Variants in MORC4 observed in about 807,000 individuals in gnomAD.
MORC4 encodes MORC family CW-type zinc finger 4.
Under a neutral mutation model 65.5 loss-of-function variants are expected in MORC4, and 22 were observed. The observed-to-expected ratio is 0.34, with a 90% confidence interval of 0.24 to 0.48. The LOEUF (loss-of-function observed/expected upper bound fraction) is 0.48. Ranked by LOEUF, MORC4 falls within the 20% of genes least tolerant of loss-of-function variation. MORC4 has a pLI of 0.99. For synonymous variants in MORC4, 267 were observed against 255.8 expected, an observed-to-expected ratio of 1.04 and a Z score of -0.42; for missense variants, 624 against 703.0, an observed-to-expected ratio of 0.89 and a Z score of 1.27.
rs1351911254 is a variant in MORC4 at position 106,942,002 on chromosome X, G to A, written c.2596C>T (p.His866Tyr). Residue 866 changes from histidine (H) to tyrosine (Y), a missense_variant, in exon 16 of 17, where the codon CAC becomes TAC. Physicochemically the swap from His to Tyr is moderately conservative, Grantham distance 83 (BLOSUM62 2). Coordinates refer to ENST00000355610, the MANE Select transcript of MORC4 (RefSeq NM_024657.5). ...LKEKLKETET[H>Y]LEMLQKAQVS... Reference sequence around the variant, plus strand: ...TGAGCCTTCTGCAGCATTTCCAGGTGTGTCTCTGTTTCCTTCAGTTTCTCT... The same window carrying A: ...TGAGCCTTCTGCAGCATTTCCAGGTATGTCTCTGTTTCCTTCAGTTTCTCT... 8.3e-6 allele frequency: 10 copies of A among 1,209,103 alleles called. No individual in the cohort carries two copies. The highest frequency in any genetic ancestry group is 1.1e-5 in the Non-Finnish European group (10 of 894,828).
At chrX:106,977,999 T>C in intron 8 of MORC4, 81 bp downstream of exon 8, 2 of 1,053,102 alleles carry the variant, frequency 1.9e-6, no homozygotes, top group Non-Finnish European at 2.6e-6. Flanking sequence ...AAGCCATTAA[T>C]GAGCCTATCC....
At chrX:106,945,566 A>G (rs1180406704) in intron 14 of MORC4, among the ~76,000 whole-genome samples, 3 of 109,786 alleles carry the variant, frequency 2.7e-5, no homozygotes, top group Non-Finnish European at 5.7e-5. Flanking sequence ...ATAAGAGGCA[A>G]CCAAAAAAAG....
intron 9 of MORC4, among the ~76,000 whole-genome samples, chrX:106,969,475 C>G (rs965617778): frequency 9.0e-6 from 1 of 111,586 alleles, no homozygotes; most frequent in Admixed American, 9.5e-5. Context: ...TAACTAAGAT[C>G]AGAGCAGAAA....
At chrX:106,997,250 T>C (rs771594622) in intron 2 of MORC4, among the ~76,000 whole-genome samples, 1 of 112,182 alleles carries the variant, frequency 8.9e-6, no homozygotes, top group Non-Finnish European at 1.9e-5. Flanking sequence ...CGTTCTCATA[T>C]CCTATTTACT....
chrX:106,966,785 A>G (rs1362476147), intron 9 of MORC4, among the ~76,000 whole-genome samples: 1 of 112,524 alleles, frequency 8.9e-6, no homozygotes, highest in Admixed American at 9.3e-5. Flanking sequence ...TTCACAGTGT[A>G]TACAAAGCAG....
chrX:106,976,171 C>T (rs1157593422), intron 9 of MORC4, among the ~76,000 whole-genome samples: 1 of 111,846 alleles, frequency 8.9e-6, no homozygotes, highest in African/African-American at 3.2e-5. Flanking sequence ...GTCTTTCCTG[C>T]TGTTCCATCA....
At chrX:106,972,197 C>G (rs1337750693) in intron 9 of MORC4, among the ~76,000 whole-genome samples, 3 of 109,179 alleles carry the variant, frequency 2.7e-5, no homozygotes, top group Non-Finnish European at 3.8e-5. Flanking sequence ...AACCATCATT[C>G]TCAGCAAACT....
chrX:106,984,154 C>T (rs181614185), intron 5 of MORC4, among the ~76,000 whole-genome samples: 65 of 109,514 alleles, frequency 5.9e-4, no homozygotes, highest in East Asian at 2.9e-4. Flanking sequence ...GACATGGTGG[C>T]GCACACCTGT....
intron 7 of MORC4, 86 bp downstream of exon 7, chrX:106,980,805 A>G: frequency 7.8e-6 from 7 of 902,381 alleles, no homozygotes; most frequent in Non-Finnish European, 1.1e-5. Context: ...TTGAAAGGGA[A>G]AGTTTTTGTT....
chrX:106,998,291 T>C (rs1935114118), intron 2 of MORC4, among the ~76,000 whole-genome samples: 1 of 112,319 alleles, frequency 8.9e-6, no homozygotes, highest in African/African-American at 3.2e-5. Flanking sequence ...GTGTGCATAA[T>C]ACATACACAT....
At chrX:106,962,626 A>G (rs1424131396) in intron 9 of MORC4, among the ~76,000 whole-genome samples, 1 of 111,812 alleles carries the variant, frequency 8.9e-6, no homozygotes, top group Non-Finnish European at 1.9e-5. Context: ...CCAAATGCTG[A>G]TCATAGTAGC....
At position 106,943,029 on chromosome X, in the gene MORC4, G is replaced by A. The variant is rs781383076; in HGVS notation, c.1862C>T (p.Thr621Ile). Residue 621 changes from threonine to isoleucine, a missense_variant, in exon 15 of 17, where the codon ACA becomes ATA. Coordinates refer to ENST00000355610, the MANE Select transcript of MORC4 (RefSeq NM_024657.5). ...SHDKSSSERS[T>I]PPYLFPEYPE... Reference sequence around the variant, plus strand: ...GTATTCTGGGAAAAGGTATGGTGGTGTACTTCTCTCAGAACTCGATTTATC... The same window carrying A: ...GTATTCTGGGAAAAGGTATGGTGGTATACTTCTCTCAGAACTCGATTTATC... 3 of 1,209,558 alleles carry A rather than the reference G, an allele frequency of 2.5e-6. No homozygotes were observed. The highest frequency in any genetic ancestry group is 5.9e-5 in the East Asian group (2 of 33,719).
chrX:106,983,275 C>A (rs1934786276), intron 5 of MORC4, among the ~76,000 whole-genome samples: 1 of 112,169 alleles, frequency 8.9e-6, no homozygotes, highest in Admixed American at 9.4e-5. Context: ...TCAAAAAATT[C>A]TTTGTAATAC....
chrX:106,944,651 C>T (rs1036503725), intron 14 of MORC4, among the ~76,000 whole-genome samples: 7 of 111,543 alleles, frequency 6.3e-5, no homozygotes, highest in African/African-American at 2.0e-4. Context: ...GAATTTCCAA[C>T]TGCCTGTCAC....
chrX:106,941,384 G>C lies in MORC4; in HGVS notation c.*95C>G. 5.1e-6 allele frequency: 3 copies of C among 588,788 alleles called. No homozygotes were observed. Among genetic ancestry groups the C allele is most frequent in the Non-Finnish European group, 2.5e-6 (1 of 392,268 alleles). 48.5% of individuals were successfully genotyped at this position (588,788 alleles called of 1,213,427 possible). A position where few individuals can be genotyped will look rare whatever the true frequency, so the allele number is the denominator to read the frequency against. On this transcript the variant is annotated 3_prime_UTR_variant, in exon 17 of 17. Transcript: ENST00000355610. Reference sequence around the variant, plus strand: ...TAAAGGTGAGGGTGAGAGAGAGAGAGAGAGAGAGAGAGAGAGAGAGAGAGA... The same window carrying C: ...TAAAGGTGAGGGTGAGAGAGAGAGACAGAGAGAGAGAGAGAGAGAGAGAGA...
intron 9 of MORC4, among the ~76,000 whole-genome samples, chrX:106,968,202 T>C (rs1042339466): frequency 9.0e-6 from 1 of 111,475 alleles, no homozygotes; most frequent in African/African-American, 3.3e-5. Flanking sequence ...GAGAATTTCA[T>C]ATACAGCCAA....
intron 9 of MORC4, among the ~76,000 whole-genome samples, chrX:106,966,757 T>C (rs1934382174): frequency 8.9e-6 from 1 of 112,482 alleles, no homozygotes; most frequent in South Asian, 3.7e-4. Context: ...TGCTGAGGCT[T>C]GAGTAGGTGG....
At chrX:106,983,949 T>A (rs978999097) in intron 5 of MORC4, among the ~76,000 whole-genome samples, 1 of 111,526 alleles carries the variant, frequency 9.0e-6, no homozygotes, top group African/African-American at 3.3e-5. Flanking sequence ...TTTTTTCTCA[T>A]ACTTCATTGT....
intron 14 of MORC4, among the ~76,000 whole-genome samples, chrX:106,946,209 T>C (rs566271554): frequency 2.0e-4 from 22 of 111,817 alleles, no homozygotes; most frequent in South Asian, 7.5e-4. Context: ...GTTGTGAAAA[T>C]ATGCACCACC....
Sources: allele counts gnomAD v4.1 joint callset (sites outside exome capture counted in the v4.1 genomes callset), GRCh38; gene constraint gnomAD v4.1.1; transcripts MANE v1.5; gene names NCBI Gene and HGNC (gene_info 2026-07-23, HGNC 2026-07-21).